EPHB1: variants seen among roughly 807,000 people sequenced by gnomAD.
EPHB1 encodes the protein ephrin type-B receptor 1.
Under a neutral mutation model 94.4 loss-of-function variants are expected in EPHB1, and 30 were observed. The ratio of observed to expected loss-of-function variants is 0.32; its 90% CI spans 0.24 to 0.43. The LOEUF (loss-of-function observed/expected upper bound fraction) is 0.43, where lower values mean the gene tolerates loss of function less well. Among genes scored for constraint, EPHB1 ranks in the 20% least tolerant of loss-of-function variants. The probability of loss-of-function intolerance (pLI) is 1.00; values close to 1 mark genes in which losing one functional copy is unlikely to be tolerated. For synonymous variants in EPHB1, 522 were observed against 489.1 expected (o/e 1.07, Z -0.89); for missense variants, 1,055 against 1,308.3 (o/e 0.81, Z 2.99).
Position 135,248,349 on chromosome 3 carries a change from C to T in EPHB1, c.2530C>T (p.Pro844Ser), listed in dbSNP as rs1231022222. 1.3e-6 allele frequency: 2 copies of T among 1,598,796 alleles called. No individual in the cohort carries two copies. Among genetic ancestry groups the T allele is most frequent in the Non-Finnish European group, 8.6e-7 (1 of 1,168,218 alleles). Residue 844 changes from proline (P) to serine (S), a missense_variant, in exon 14 of 16, where the codon CCC becomes TCC. Transcript: ENST00000398015. ...TGCCATCGAGCAGGACTACCGGCTG[C>T]CCCCACCCATGGACTGTCCAGCTGC... ...INAIEQDYRL[P>S]PPMDCPAALH...
intron 4 of EPHB1, among the ~76,000 whole-genome samples, chr3:135,107,364 A>G (rs533203973): frequency 6.6e-6 from 1 of 152,202 alleles, no homozygotes; most frequent in African/African-American, 2.4e-5. Context: ...ATTCTCCCCA[A>G]TAATTGTGGA....
At chr3:134,883,347 T>C (rs143923254) in intron 1 of EPHB1, among the ~76,000 whole-genome samples, 4 of 152,250 alleles carry the variant, frequency 2.6e-5, no homozygotes, top group Non-Finnish European at 5.9e-5. Flanking sequence ...GAGCCCCTCA[T>C]GCAGAGTTTA....
intron 3 of EPHB1, among the ~76,000 whole-genome samples, chr3:135,037,827 T>C (rs549145368): frequency 6.6e-6 from 1 of 152,340 alleles, no homozygotes; most frequent in South Asian, 2.1e-4. Context: ...CTTTGAGTGG[T>C]GAATTTTATT....
At chr3:134,919,699 C>T (rs1560296774) in intron 1 of EPHB1, among the ~76,000 whole-genome samples, 1 of 152,092 alleles carries the variant, frequency 6.6e-6, no homozygotes, top group Non-Finnish European at 1.5e-5. Context: ...AGATCAGGTT[C>T]GGAGGACAGC....
intron 1 of EPHB1, among the ~76,000 whole-genome samples, chr3:134,800,058 A>G (rs191754430): frequency 6.6e-6 from 1 of 152,282 alleles, no homozygotes; most frequent in East Asian, 1.9e-4. Context: ...AGGTCTGGCC[A>G]TGAGGATGGA....
At chr3:134,840,230 A>G (rs2036751409) in intron 1 of EPHB1, among the ~76,000 whole-genome samples, 1 of 152,148 alleles carries the variant, frequency 6.6e-6, no homozygotes, top group African/African-American at 2.4e-5. Context: ...GTAGTAGACA[A>G]TGTTAATGTT....
At chr3:135,019,741 C>A (rs1292113820) in intron 3 of EPHB1, among the ~76,000 whole-genome samples, 1 of 152,190 alleles carries the variant, frequency 6.6e-6, no homozygotes, top group Non-Finnish European at 1.5e-5. Flanking sequence ...TCATAATATT[C>A]AATCTTGTGG....
chr3:135,116,713 A>G (rs1242042423), intron 4 of EPHB1, among the ~76,000 whole-genome samples: 1 of 151,990 alleles, frequency 6.6e-6, no homozygotes, highest in Non-Finnish European at 1.5e-5. Flanking sequence ...CTGTACACCC[A>G]CCTTTCGTCA....
intron 3 of EPHB1, among the ~76,000 whole-genome samples, chr3:135,094,762 A>G (rs1313507951): frequency 6.6e-6 from 1 of 152,218 alleles, no homozygotes; most frequent in Non-Finnish European, 1.5e-5. Context: ...CTAAGGAACC[A>G]GCCCATGGGG....
chr3:135,211,434 T>G (rs143354090), intron 12 of EPHB1, among the ~76,000 whole-genome samples: 54 of 152,386 alleles, frequency 3.5e-4, no homozygotes, highest in African/African-American at 1.2e-3. Context: ...GCATCATTCC[T>G]TCAGTCTGAA....
chr3:135,258,640 T>G (rs1933518498), intron 15 of EPHB1, among the ~76,000 whole-genome samples: 1 of 152,120 alleles, frequency 6.6e-6, no homozygotes, highest in South Asian at 2.1e-4. Flanking sequence ...GGCAGAAAAC[T>G]CCACAGAATA....
chr3:134,928,159 C>T (rs895091652), intron 2 of EPHB1, among the ~76,000 whole-genome samples: 3 of 152,222 alleles, frequency 2.0e-5, no homozygotes, highest in Admixed American at 6.5e-5. Context: ...CACGCACACA[C>T]GTGCATTCTC....
intron 4 of EPHB1, among the ~76,000 whole-genome samples, chr3:135,114,584 C>T (rs904133866): frequency 3.1e-4 from 42 of 137,094 alleles, no homozygotes; most frequent in Non-Finnish European, 5.5e-4. Context: ...ATTAGCCGGG[C>T]GTGGTGGCAT....
intron 1 of EPHB1, among the ~76,000 whole-genome samples, chr3:134,823,557 G>A (rs1007781860): frequency 6.6e-6 from 1 of 152,184 alleles, no homozygotes; most frequent in South Asian, 2.1e-4. Context: ...CAAAGGCTAC[G>A]CACTATCATT....
chr3:134,804,071 ATTTTTTTTTTTTT>A (rs572201781), intron 1 of EPHB1, among the ~76,000 whole-genome samples: 1,364 of 43,772 alleles, frequency 0.031, 35 homozygotes, highest in African/African-American at 0.12. Context: ...ATTATTGGCT[ATTTTTTTTTTTTT>A]TTTTTTTTTT....
chr3:135,173,066 G>A (rs985558792), intron 9 of EPHB1, among the ~76,000 whole-genome samples: 6 of 141,990 alleles, frequency 4.2e-5, no homozygotes, highest in Non-Finnish European at 7.5e-5. Context: ...ACGGAGTCTC[G>A]CTCTGTCGCC....
At chr3:134,992,705 C>T (rs39697) in intron 3 of EPHB1, among the ~76,000 whole-genome samples, 3 of 151,864 alleles carry the variant, frequency 2.0e-5, no homozygotes, top group Admixed American at 6.6e-5. Context: ...GGGGAGGAGA[C>T]GGGGAGCCTT....
chr3:135,068,706 T>G (rs569051106), intron 3 of EPHB1, among the ~76,000 whole-genome samples: 48 of 151,720 alleles, frequency 3.2e-4, no homozygotes, highest in Non-Finnish European at 4.9e-4. Context: ...TGGAGTGCAG[T>G]GGCGCAATCT....
At chr3:135,105,107 G>C (rs1408743157) in intron 3 of EPHB1, among the ~76,000 whole-genome samples, 2 of 152,202 alleles carry the variant, frequency 1.3e-5, no homozygotes, top group Non-Finnish European at 1.5e-5. Flanking sequence ...CAAGTTAACA[G>C]ATGGTGGCTA....
Sources: allele counts gnomAD v4.1 joint callset (sites outside exome capture counted in the v4.1 genomes callset), GRCh38; gene constraint gnomAD v4.1.1; transcripts MANE v1.5; gene names NCBI Gene and HGNC (gene_info 2026-07-23, HGNC 2026-07-21).